Variants in PTCH1 observed in about 807,000 individuals in gnomAD.
PTCH1 encodes protein patched homolog 1.
Under a neutral mutation model 144.6 loss-of-function variants are expected in PTCH1, and 14 were observed. The observed-to-expected ratio is 0.10, with a 90% CI of 0.06 to 0.15. PTCH1 has a LOEUF of 0.15. Among genes scored for constraint, PTCH1 ranks in the 10% least tolerant of loss-of-function variants. The probability of loss-of-function intolerance (pLI) is 1.00; values close to 1 mark genes in which losing one functional copy is unlikely to be tolerated. For missense variants in PTCH1, 1,623 were observed against 1,948.3 expected (o/e 0.83, Z 3.14); for synonymous variants, 833 against 793.6 (o/e 1.05, Z -0.83).
At chr9:95,497,030 G>T (rs989097890) in intron 2 of PTCH1, among the ~76,000 whole-genome samples, 2 of 152,152 alleles carry the variant, frequency 1.3e-5, no homozygotes, top group Non-Finnish European at 2.9e-5. Context: ...CAAAATTCCT[G>T]TTTTTATCAT....
At chr9:95,456,196 G>C (rs2136645797) in intron 19 of PTCH1, 80 bp downstream of exon 19, 1 of 1,589,164 alleles carries the variant, frequency 6.3e-7, no homozygotes, top group Non-Finnish European at 8.6e-7. Context: ...GAGAATGCAA[G>C]GTTCCCACTT....
chr9:95,469,618 C>T (rs1467678938), intron 13 of PTCH1, among the ~76,000 whole-genome samples, 195 bp downstream of exon 13: 8 of 152,224 alleles, frequency 5.3e-5, no homozygotes, highest in Non-Finnish European at 8.8e-5. Flanking sequence ...TGTTCAGCTG[C>T]GGCAGGGGAG....
At chr9:95,496,683 T>C (rs1434720112) in intron 2 of PTCH1, among the ~76,000 whole-genome samples, 1 of 152,224 alleles carries the variant, frequency 6.6e-6, no homozygotes, top group African/African-American at 2.4e-5. Context: ...GTGCAATTTT[T>C]TTTTCTGGAT....
intron 2 of PTCH1, among the ~76,000 whole-genome samples, chr9:95,500,134 C>T (rs751166733): frequency 6.6e-6 from 1 of 152,158 alleles, no homozygotes; most frequent in Admixed American, 6.5e-5. Context: ...TCTAAACACA[C>T]GGATCAGGCT....
In PTCH1 at chr9:95,508,299, G is replaced by A. The variant is rs1284183739; in HGVS notation, c.63C>T (p.Ile21=). Residue 21 remains isoleucine, a synonymous_variant, in exon 1 of 24, where the codon ATC becomes ATT. Coordinates refer to ENST00000331920, the MANE Select transcript of PTCH1 (RefSeq NM_000264.5). ...CTCCAGCCGGCCGTCCCGGGGCACC[G>A]ATACAGCCGCTGCCGCCGCCGCCGC... The part of the protein sequence containing the change: ...QDRGGGGSGC[I]GAPGRPAGGG... 2.1e-6 allele frequency: 3 copies of A among 1,451,898 alleles called. No homozygotes were observed. Among genetic ancestry groups the A allele is most frequent in the Non-Finnish European group, 2.7e-6 (3 of 1,108,350 alleles). The allele number at this position is 1,451,898 out of a possible 1,614,324, so 89.9% of individuals were successfully genotyped here. A position where few individuals can be genotyped will look rare whatever the true frequency, so the allele number is the denominator to read the frequency against.
chr9:95,452,719 A>G (rs1488156431), intron 20 of PTCH1: 1 of 152,620 alleles, frequency 6.6e-6, no homozygotes, highest in East Asian at 1.9e-4. Context: ...AATGCTTCCT[A>G]ATTGTGGGGA....
intron 1 of PTCH1, chr9:95,507,866 C>T: frequency 1.7e-6 from 2 of 1,211,736 alleles, no homozygotes; most frequent in Non-Finnish European, 2.1e-6. Flanking sequence ...GACGGCTTTC[C>T]AGTGCTCCGG....
chr9:95,496,403 T>A (rs955535124), intron 2 of PTCH1, among the ~76,000 whole-genome samples: 1 of 152,012 alleles, frequency 6.6e-6, no homozygotes, highest in Non-Finnish European at 1.5e-5. Flanking sequence ...AACAAAAAAG[T>A]TACGAGAAAA....
chr9:95,477,930 C>T (rs1841200629), intron 9 of PTCH1, 125 bp downstream of exon 9: 4 of 1,547,670 alleles, frequency 2.6e-6, no homozygotes, highest in African/African-American at 1.4e-5. Flanking sequence ...TGAAGCCACG[C>T]TCTCTCTGTC....
Position 95,456,381 on chromosome 9 carries a change from C to G in PTCH1, c.3201G>C (p.Leu1067=), listed in dbSNP as rs370906015. The change falls in exon 19 of 24, where the codon CTG becomes CTC. Residue 1067 remains leucine, a synonymous_variant. Coordinates refer to ENST00000331920, the MANE Select transcript of PTCH1 (RefSeq NM_000264.5). ...VMVLALMTVE[L]FGMMGLIGIK... is the part of the protein sequence containing the mutation. ...TTCCGATGAGGCCCATCATGCCGAA[C>G]AGCTCGACCGTCATCAGCGCCAGGA... The G allele has an allele frequency of 1.1e-5, 18 of 1,614,070 alleles. No individual in the cohort carries two copies. The highest frequency in any genetic ancestry group is 3.3e-5 in the Admixed American group (2 of 60,028).
intron 12 of PTCH1, among the ~76,000 whole-genome samples, chr9:95,474,946 T>C (rs1228399200): frequency 6.6e-6 from 1 of 152,128 alleles, no homozygotes; most frequent in Non-Finnish European, 1.5e-5. Context: ...CCTGGCCAGC[T>C]TGAGAATTAG....
chr9:95,505,793 C>T (rs1233617446), intron 2 of PTCH1, among the ~76,000 whole-genome samples: 1 of 151,444 alleles, frequency 6.6e-6, no homozygotes, highest in Non-Finnish European at 1.5e-5. Flanking sequence ...GTTTTTTGTA[C>T]CTTGAGACAA....
At chr9:95,511,996 C>T (rs1479331142), upstream of PTCH1, among the ~76,000 whole-genome samples, 1 of 152,182 alleles carries the variant, frequency 6.6e-6, no homozygotes, top group Non-Finnish European at 1.5e-5. Flanking sequence ...TGTTTCGTCT[C>T]AATCTTTTAC....
chr9:95,484,038 A>G (rs1401232289), intron 3 of PTCH1: 1 of 152,362 alleles, frequency 6.6e-6, no homozygotes, highest in African/African-American at 2.4e-5. Context: ...GTTGAACTAC[A>G]TGTTCTTAAA....
At position 95,469,796 on chromosome 9, in the gene PTCH1, G is replaced by A. The variant is rs1840397379; in HGVS notation, c.1847+17C>T. The A allele has an allele frequency of 1.3e-6, 2 of 1,591,954 alleles. No homozygotes were observed. Among genetic ancestry groups the A allele is most frequent in the Non-Finnish European group, 1.7e-6 (2 of 1,159,850 alleles). On this transcript the variant is annotated intron_variant, in intron 13 of 23. Transcript: ENST00000331920. ...TTCTGCACCCAATCAAAAGGCCACA[G>A]CAGTCTGAAAATGTACCTTGTAAAA...
At chr9:95,502,047 C>T (rs906196595) in intron 2 of PTCH1, among the ~76,000 whole-genome samples, 1 of 152,124 alleles carries the variant, frequency 6.6e-6, no homozygotes, top group African/African-American at 2.4e-5. Context: ...CCCTGAGGGA[C>T]GAGCCCAGCT....
chr9:95,481,716 T>G, intron 5 of PTCH1: 2 of 571,914 alleles, frequency 3.5e-6, no homozygotes, highest in Non-Finnish European at 6.2e-6. Context: ...TATAAATAGG[T>G]TGGTAAAAGT....
At chr9:95,462,546 T>C (rs1022939488) in intron 15 of PTCH1, among the ~76,000 whole-genome samples, 2 of 152,218 alleles carry the variant, frequency 1.3e-5, no homozygotes, top group Non-Finnish European at 2.9e-5. Flanking sequence ...TGGGATCCGC[T>C]GCCAGGTTGT....
In PTCH1 at chr9:95,449,266, TG is replaced by T; in HGVS notation, c.3606del (p.Ser1203AlafsTer52). The T allele has an allele frequency of 1.9e-6, 3 of 1,564,488 alleles. No homozygotes were observed. Among genetic ancestry groups the T allele is most frequent in the Non-Finnish European group, 1.7e-6 (2 of 1,154,334 alleles). Reference protein sequence around the residue: ...RLPTPSPEPPPSVVRFAMPPG... With the variant: ...RLPTPSPEPPXSVVRFAMPPG... Reference sequence around the variant, plus strand: ...GGCGGCATGGCGAAGCGGACCACGCTGGGGGGTGGCTCAGGGGAGGGTGTGG... The same window carrying T: ...GGCGGCATGGCGAAGCGGACCACGCTGGGGGTGGCTCAGGGGAGGGTGTGG... On this transcript the variant is annotated frameshift_variant, in exon 22 of 24. Coordinates refer to ENST00000331920, the MANE Select transcript of PTCH1 (RefSeq NM_000264.5). LOFTEE classifies it high-confidence loss of function. The surrounding 1 kb of genome is among the most constrained non-coding windows in gnomAD (Gnocchi z 5.3).
Sources: gnomAD v4.1 joint callset for allele counts (sites outside exome capture counted in the v4.1 genomes callset) on GRCh38, gnomAD v4.1.1 for gene constraint, Gnocchi (gnomAD v3.1) non-coding constraint, MANE v1.5 for transcripts, NCBI Gene and HGNC (gene_info 2026-07-23, HGNC 2026-07-21) for gene names.